The following HIPK2 variants were observed in gnomAD, a reference collection of about 807,000 sequenced individuals.
HIPK2 encodes homeodomain interacting protein kinase 2.
Under a neutral mutation model 113.7 loss-of-function variants are expected in HIPK2, and 27 were observed. That is an observed-to-expected ratio of 0.24 (90% confidence interval 0.17 to 0.33). The LOEUF is 0.33. HIPK2 is among the 10% of genes least tolerant of loss of function. HIPK2 has a pLI of 1.00. For synonymous variants in HIPK2, 631 were observed against 642.2 expected, an observed-to-expected ratio of 0.98 and a Z score of 0.26; for missense variants, 1,257 against 1,588.0, an observed-to-expected ratio of 0.79 and a Z score of 3.54.
intron 2 of HIPK2, among the ~76,000 whole-genome samples, chr7:139,705,147 G>T (rs1794853122): frequency 6.6e-6 from 1 of 152,228 alleles, no homozygotes; most frequent in Middle Eastern, 3.2e-3. Flanking sequence ...TACTGGGGAT[G>T]CCCAGCTTAC....
At chr7:139,684,862 C>T (rs1263882089) in intron 2 of HIPK2, among the ~76,000 whole-genome samples, 1 of 152,180 alleles carries the variant, frequency 6.6e-6, no homozygotes, top group Non-Finnish European at 1.5e-5. Context: ...AATGGCCTTA[C>T]TGCTGATATG....
chr7:139,614,295 C>T lies in HIPK2; in HGVS notation c.1981G>A (p.Gly661Ser), dbSNP rs369184245. Residue 661 changes from glycine (G) to serine (S), a missense_variant, in exon 8 of 15, where the codon GGC becomes AGC. Physicochemically the swap from Gly to Ser is moderately conservative, Grantham distance 56. Transcript: ENST00000406875. ...GGCTGCTCAATCTTACCTTGGAAGC[C>T]GGGGGGACACACGATGAGAGCTTGC... ...FQQALIVCPP[G>S]FQGLQASPSK... 372 of 1,506,728 alleles carry T rather than the reference C, an allele frequency of 2.5e-4. No homozygotes were observed. The highest frequency in any genetic ancestry group is 1.6e-3 in the Middle Eastern group (9 of 5,484). 93.3% of individuals were successfully genotyped at this position (1,506,728 alleles called of 1,614,324 possible). A position where few individuals can be genotyped will look rare whatever the true frequency, so the allele number is the denominator to read the frequency against.
At chr7:139,720,649 T>G (rs1795381247) in intron 1 of HIPK2, among the ~76,000 whole-genome samples, 1 of 152,234 alleles carries the variant, frequency 6.6e-6, no homozygotes, top group South Asian at 2.1e-4. Flanking sequence ...TTGTTCTAGA[T>G]GTTGTATACA....
intron 12 of HIPK2, 79 bp downstream of exon 12, chr7:139,596,638 T>C: frequency 2.6e-6 from 4 of 1,537,788 alleles, no homozygotes; most frequent in East Asian, 2.3e-5. Context: ...TTATGTTTGA[T>C]GATGGAAGAT....
intron 2 of HIPK2, among the ~76,000 whole-genome samples, chr7:139,635,665 T>C (rs1355603306): frequency 6.6e-6 from 1 of 152,000 alleles, no homozygotes; most frequent in Non-Finnish European, 1.5e-5. Flanking sequence ...CCCAGGCATC[T>C]GGCTAGGTGG....
At chr7:139,731,201 A>G (rs1284270788) in intron 1 of HIPK2, among the ~76,000 whole-genome samples, 1 of 152,226 alleles carries the variant, frequency 6.6e-6, no homozygotes, top group Non-Finnish European at 1.5e-5. Context: ...TAACAATCGC[A>G]AAGTGACGCT....
At chr7:139,709,100 C>T (rs926297481) in intron 2 of HIPK2, among the ~76,000 whole-genome samples, 22 of 152,194 alleles carry the variant, frequency 1.4e-4, no homozygotes, top group Admixed American at 5.2e-4. Flanking sequence ...TTGAAGATAA[C>T]CTAACAGCCT....
chr7:139,722,923 G>C (rs1216285041), intron 1 of HIPK2, among the ~76,000 whole-genome samples: 1 of 151,730 alleles, frequency 6.6e-6, no homozygotes, highest in African/African-American at 2.4e-5. Context: ...GAGTGCAGTG[G>C]TGCAATCATA....
intron 10 of HIPK2, among the ~76,000 whole-genome samples, chr7:139,601,656 T>G (rs1017857652): frequency 6.6e-6 from 1 of 152,236 alleles, no homozygotes; most frequent in African/African-American, 2.4e-5. Flanking sequence ...AAACGGGTTA[T>G]GTTTCACAAT....
intron 2 of HIPK2, among the ~76,000 whole-genome samples, chr7:139,686,937 C>T (rs1297296986): frequency 2.6e-5 from 4 of 152,216 alleles, no homozygotes; most frequent in African/African-American, 9.7e-5. Context: ...TCACTGCTGT[C>T]ATTTTGACAA....
chr7:139,752,773 T>C (rs1442563640), intron 1 of HIPK2, among the ~76,000 whole-genome samples: 1 of 149,822 alleles, frequency 6.7e-6, no homozygotes, highest in Non-Finnish European at 1.5e-5. Context: ...CTGAAGCACA[T>C]GGAGAACCGG....
At chr7:139,674,301 T>C (rs1271023191) in intron 2 of HIPK2, among the ~76,000 whole-genome samples, 1 of 152,154 alleles carries the variant, frequency 6.6e-6, no homozygotes, top group Non-Finnish European at 1.5e-5. Context: ...AGGTGGGTGT[T>C]TGGTTTTTCA....
chr7:139,659,832 T>C (rs1801806739), intron 2 of HIPK2, among the ~76,000 whole-genome samples: 2 of 152,216 alleles, frequency 1.3e-5, no homozygotes, highest in African/African-American at 4.8e-5. Flanking sequence ...CAGTTCTCCC[T>C]GATCCCTCTA....
chr7:139,700,609 C>T (rs908465622), intron 2 of HIPK2, among the ~76,000 whole-genome samples: 1 of 152,122 alleles, frequency 6.6e-6, no homozygotes, highest in Non-Finnish European at 1.5e-5. Context: ...GTTAACCCTC[C>T]CACTCTGGTC....
chr7:139,604,104 G>A lies in HIPK2; in HGVS notation c.2232C>T (p.Gly744=). 6.2e-7 allele frequency: 1 copy of A among 1,613,924 alleles called. No individual in the cohort carries two copies. Among genetic ancestry groups the A allele is most frequent in the Non-Finnish European group, 8.5e-7 (1 of 1,179,896 alleles). Residue 744 remains glycine (G), a synonymous_variant, in exon 10 of 15, where the codon GGC becomes GGT. Coordinates refer to ENST00000406875, the MANE Select transcript of HIPK2 (RefSeq NM_022740.5). ...ACCTCCAGTCCGCCAGCTGCTGGGT[G>A]CCTGCCATGGTCTCGGGAATCACGG... is the stretch of plus-strand genomic sequence containing the variant. ...HATVIPETMA[G]TQQLADWRNT...
intron 9 of HIPK2, among the ~76,000 whole-genome samples, chr7:139,608,863 T>C (rs1799719615): frequency 6.6e-6 from 1 of 152,190 alleles, no homozygotes; most frequent in Non-Finnish European, 1.5e-5. Flanking sequence ...TTTCGAACAG[T>C]TTAAAGGGTT....
chr7:139,769,846 T>C (rs1796617400), intron 1 of HIPK2, among the ~76,000 whole-genome samples: 1 of 152,176 alleles, frequency 6.6e-6, no homozygotes, highest in African/African-American at 2.4e-5. Context: ...TGTAATACAT[T>C]AGAGAACCTC....
intron 12 of HIPK2, among the ~76,000 whole-genome samples, chr7:139,589,623 C>T (rs1798950468): frequency 6.6e-6 from 1 of 152,170 alleles, no homozygotes; most frequent in African/African-American, 2.4e-5. Flanking sequence ...CTTCTTGTCA[C>T]TGAAGAATGG....
At chr7:139,655,402 C>T (rs567195333) in intron 2 of HIPK2, among the ~76,000 whole-genome samples, 2 of 152,270 alleles carry the variant, frequency 1.3e-5, no homozygotes, top group Non-Finnish European at 1.5e-5. Flanking sequence ...GCAAGAGGCT[C>T]CCGCCGGGCA....
Sources: allele counts gnomAD v4.1 joint callset (sites outside exome capture counted in the v4.1 genomes callset), GRCh38; gene constraint gnomAD v4.1.1; transcripts MANE v1.5; gene names NCBI Gene and HGNC (gene_info 2026-07-23, HGNC 2026-07-21).